The following ARHGAP15 variants were observed in gnomAD, a reference collection of about 807,000 sequenced individuals.
The protein encoded by ARHGAP15 is rho GTPase-activating protein 15.
In ARHGAP15, 51 loss-of-function variants were observed where a neutral mutation model predicts 63.7. That is an observed-to-expected ratio of 0.80 (90% CI 0.64 to 1.01). The LOEUF (loss-of-function observed/expected upper bound fraction) is 1.01. Ranked by LOEUF, ARHGAP15 falls within the 50% of genes least tolerant of loss-of-function variation. The pLI is 0.00. For synonymous variants in ARHGAP15, 191 were observed against 193.8 expected, an observed-to-expected ratio of 0.99 and a Z score of 0.12; for missense variants, 560 against 564.6, an observed-to-expected ratio of 0.99 and a Z score of 0.08.
At chr2:143,397,346 G>A (rs1553474285) in intron 6 of ARHGAP15, among the ~76,000 whole-genome samples, 7,302 of 129,342 alleles carry the variant, frequency 0.056, 260 homozygotes, top group Middle Eastern at 0.098. Flanking sequence ...GTGTGTGTGT[G>A]TATATATATA....
intron 11 of ARHGAP15, among the ~76,000 whole-genome samples, chr2:143,598,992 G>T (rs528457944): frequency 4.2e-4 from 63 of 151,652 alleles, no homozygotes; most frequent in South Asian, 1.0e-3. Context: ...TATGCAACTT[G>T]TCTGTGGGAG....
rs866862213 is a variant in ARHGAP15 at position 143,698,358 on chromosome 2, A to G, written c.1139-5061A>G. Among the ~76,000 whole-genome samples the G allele has an allele frequency of 2.7e-4, 41 of 152,322 alleles. 1 individual carries two copies. Among genetic ancestry groups the G allele is most frequent in the Middle Eastern group, 6.8e-3 (2 of 294 alleles). On this transcript the variant is annotated intron_variant, in intron 12 of 13. Coordinates refer to ENST00000295095, the MANE Select transcript of ARHGAP15 (RefSeq NM_018460.4). ...GTTGTAAACGTGCTTTAGTAACAAC[A>G]TTTCATGCAGATGAATGCAAGTGTA...
chr2:143,283,198 G>A (rs182092884), intron 6 of ARHGAP15, among the ~76,000 whole-genome samples: 69 of 152,196 alleles, frequency 4.5e-4, no homozygotes, highest in Admixed American at 2.2e-3. Flanking sequence ...GCCAGGACCC[G>A]TGAAACTTCA....
intron 6 of ARHGAP15, among the ~76,000 whole-genome samples, chr2:143,380,393 A>G (rs1687011475): frequency 6.6e-6 from 1 of 152,170 alleles, no homozygotes; most frequent in Admixed American, 6.6e-5. Context: ...ATATGGTATC[A>G]TTCTGACTAT....
chr2:143,276,300 T>C (rs1017649582), intron 6 of ARHGAP15, among the ~76,000 whole-genome samples: 1 of 152,220 alleles, frequency 6.6e-6, no homozygotes, highest in African/African-American at 2.4e-5. Flanking sequence ...TTCTACTCTT[T>C]GCAGCCGACT....
intron 13 of ARHGAP15, among the ~76,000 whole-genome samples, chr2:143,716,275 A>G (rs1300176790): frequency 2.0e-5 from 3 of 152,200 alleles, no homozygotes; most frequent in African/African-American, 7.2e-5. Context: ...ACACCAAGGG[A>G]GACTCAGTCA....
intron 10 of ARHGAP15, among the ~76,000 whole-genome samples, chr2:143,528,628 G>C (rs1694390841): frequency 6.6e-6 from 1 of 152,058 alleles, no homozygotes; most frequent in Admixed American, 6.6e-5. Context: ...GCTCTGTAAA[G>C]ACGTTGAATA....
chr2:143,280,747 T>C (rs922895722), intron 6 of ARHGAP15, among the ~76,000 whole-genome samples: 9 of 152,170 alleles, frequency 5.9e-5, no homozygotes, highest in Admixed American at 5.2e-4. Context: ...AAGGCTTTGA[T>C]GAAGGATTCA....
Position 143,437,307 on chromosome 2 carries a change from G to T in ARHGAP15, c.703+265G>T. 4 of 355,290 alleles carry T rather than the reference G, an allele frequency of 1.1e-5. No homozygotes were observed. In the South Asian group the frequency reaches 1.3e-4, roughly 11 times the overall value. The allele number at this position is 355,290 out of a possible 1,614,324, so 22.0% of individuals were successfully genotyped here. A position where few individuals can be genotyped will look rare whatever the true frequency, so the allele number is the denominator to read the frequency against. On this transcript the variant is annotated intron_variant, in intron 8 of 13. Coordinates refer to ENST00000295095, the MANE Select transcript of ARHGAP15 (RefSeq NM_018460.4). ...CTCTGAATCTCTGAGTAATAGCCAT[G>T]GTGTTCAGATCAGTGATTGATTTTG...
At chr2:143,437,083 A>C in intron 8 of ARHGAP15, 41 bp downstream of exon 8, 1 of 1,568,106 alleles carries the variant, frequency 6.4e-7, no homozygotes, top group Non-Finnish European at 8.6e-7. Flanking sequence ...AGTTTGTCTA[A>C]ATGCAGTGCT....
chr2:143,426,086 T>C (rs1243385229), intron 6 of ARHGAP15, among the ~76,000 whole-genome samples: 9 of 152,162 alleles, frequency 5.9e-5, no homozygotes, highest in Admixed American at 5.2e-4. Flanking sequence ...TCAGGAATCA[T>C]GTGGGAATAG....
chr2:143,384,553 G>A (rs1687189344), intron 6 of ARHGAP15, among the ~76,000 whole-genome samples: 1 of 110,276 alleles, frequency 9.1e-6, no homozygotes. Context: ...AAAGGCCTAT[G>A]TGTTTTAGAG....
chr2:143,293,743 T>C (rs2105127395), intron 6 of ARHGAP15, among the ~76,000 whole-genome samples: 1 of 152,148 alleles, frequency 6.6e-6, no homozygotes, highest in South Asian at 2.1e-4. Flanking sequence ...GTAATATTAA[T>C]ATATATGTTT....
intron 12 of ARHGAP15, among the ~76,000 whole-genome samples, chr2:143,667,328 C>A (rs940415701): frequency 7.6e-5 from 11 of 145,414 alleles, no homozygotes; most frequent in African/African-American, 2.5e-4. Flanking sequence ...GAACAAAAAA[C>A]CAAACACCGC....
chr2:143,687,821 A>G (rs1350887314), intron 12 of ARHGAP15, among the ~76,000 whole-genome samples: 4 of 152,238 alleles, frequency 2.6e-5, no homozygotes. Context: ...TAAAAATGAA[A>G]AAAGAATCCA....
chr2:143,480,490 A>T (rs1040591637), intron 8 of ARHGAP15, among the ~76,000 whole-genome samples: 22 of 152,166 alleles, frequency 1.4e-4, no homozygotes, highest in African/African-American at 5.3e-4. Context: ...GTATTTCCAC[A>T]ATGTCTAAGT....
chr2:143,627,593 T>G (rs1698885494), intron 12 of ARHGAP15, among the ~76,000 whole-genome samples: 3 of 152,134 alleles, frequency 2.0e-5, no homozygotes, highest in Non-Finnish European at 4.4e-5. Context: ...TTACATAGCC[T>G]CTTGTAAAAA....
At chr2:143,555,937 G>T (rs1180402115) in intron 10 of ARHGAP15, among the ~76,000 whole-genome samples, 2 of 151,660 alleles carry the variant, frequency 1.3e-5, no homozygotes, top group Non-Finnish European at 1.5e-5. Flanking sequence ...GAACAGAGTA[G>T]AAATGGAGAG....
intron 6 of ARHGAP15, among the ~76,000 whole-genome samples, chr2:143,327,385 A>G (rs1050181280): frequency 4.6e-5 from 7 of 152,196 alleles, no homozygotes; most frequent in African/African-American, 7.2e-5. Context: ...TCACAGAATT[A>G]GAAAAAACTA....
Sources: gnomAD v4.1 joint callset for allele counts (sites outside exome capture counted in the v4.1 genomes callset) on GRCh38, gnomAD v4.1.1 for gene constraint, MANE v1.5 for transcripts, NCBI Gene and HGNC (gene_info 2026-07-23, HGNC 2026-07-21) for gene names.